TCF12: variants seen among roughly 807,000 people sequenced by gnomAD.
TCF12 encodes the protein DNA-binding protein HTF4.
Under a neutral mutation model 86.0 loss-of-function variants are expected in TCF12, and 45 were observed. The ratio of observed to expected loss-of-function variants is 0.52; its 90% CI spans 0.41 to 0.67. The LOEUF (loss-of-function observed/expected upper bound fraction) is 0.67. Ranked by LOEUF, TCF12 falls within the 30% of genes least tolerant of loss-of-function variation. The probability of loss-of-function intolerance (pLI) is 0.00; values close to 1 mark genes in which losing one functional copy is unlikely to be tolerated. For missense variants in TCF12, 881 were observed against 859.9 expected (o/e 1.02, Z -0.31); for synonymous variants, 330 against 299.6 (o/e 1.10, Z -1.05).
At chr15:57,175,637 C>T (rs2055857174) in intron 6 of TCF12, among the ~76,000 whole-genome samples, 1 of 152,100 alleles carries the variant, frequency 6.6e-6, no homozygotes, top group African/African-American at 2.4e-5. Flanking sequence ...CAGTCTTGGG[C>T]AGAATTATTA....
At chr15:57,216,878 A>C (rs2058353623) in intron 8 of TCF12, among the ~76,000 whole-genome samples, 1 of 152,146 alleles carries the variant, frequency 6.6e-6, no homozygotes, top group South Asian at 2.1e-4. Flanking sequence ...TTTCCATAGC[A>C]TACAAGTAGA....
intron 4 of TCF12, among the ~76,000 whole-genome samples, chr15:57,075,648 G>C (rs1407079544): frequency 3.9e-5 from 6 of 152,018 alleles, no homozygotes; most frequent in Admixed American, 3.9e-4. Context: ...AAGTGAAAAT[G>C]ATAATCTGTT....
At chr15:57,158,200 T>TTC (rs1406576887) in intron 5 of TCF12, among the ~76,000 whole-genome samples, 8 of 151,438 alleles carry the variant, frequency 5.3e-5, no homozygotes, top group Non-Finnish European at 8.9e-5. Flanking sequence ...TTTTTTTTTT[T>TTC]TTCTTTGAGA....
chr15:57,285,315 A>G (rs16977372), intron 20 of TCF12, among the ~76,000 whole-genome samples: 7,726 of 152,292 alleles, frequency 0.051, 552 homozygotes, highest in African/African-American at 0.16. Context: ...TTAATAAGGA[A>G]GTAAAAGTTA....
Position 56,947,772 on chromosome 15 carries a change from G to A in TCF12, c.148+26674G>A, listed in dbSNP as rs555618702. On this transcript the variant is annotated intron_variant, in intron 3 of 20. Coordinates refer to ENST00000333725, the MANE Select transcript of TCF12 (RefSeq NM_207037.2). ...ATGTGTAGTGGAAGAGTAGAGGCAG[G>A]GTGCTTGAAGGAGGGCAGTATTAAT... Among the ~76,000 whole-genome samples, 6 of 152,260 alleles carry A rather than the reference G, an allele frequency of 3.9e-5. No individual in the cohort carries two copies. In the South Asian group the frequency reaches 6.2e-4, roughly 16 times the overall value.
At chr15:57,040,589 G>A (rs957071006) in intron 3 of TCF12, among the ~76,000 whole-genome samples, 1 of 152,166 alleles carries the variant, frequency 6.6e-6, no homozygotes, top group Non-Finnish European at 1.5e-5. Context: ...TTTTAGGCTG[G>A]TATTCAGTAG....
chr15:57,252,579 C>T, intron 15 of TCF12, 87 bp downstream of exon 15: 1 of 1,086,226 alleles, frequency 9.2e-7, no homozygotes, highest in Non-Finnish European at 1.3e-6. Context: ...GCTGTACAGA[C>T]TCCCATCTTT....
chr15:57,076,269 A>G (rs1398854972), intron 4 of TCF12, among the ~76,000 whole-genome samples: 1 of 152,190 alleles, frequency 6.6e-6, no homozygotes, highest in African/African-American at 2.4e-5. Context: ...TTTGTGATCC[A>G]AAACATTTAT....
At chr15:57,014,288 G>C (rs78441188) in intron 3 of TCF12, among the ~76,000 whole-genome samples, 338 of 152,256 alleles carry the variant, frequency 2.2e-3, no homozygotes, top group African/African-American at 7.9e-3. Context: ...GCACCCTGAT[G>C]ATGGTATGCC....
At chr15:57,212,998 T>C (rs558485245) in intron 8 of TCF12, among the ~76,000 whole-genome samples, 22 of 152,368 alleles carry the variant, frequency 1.4e-4, no homozygotes, top group Non-Finnish European at 2.4e-4. Context: ...CATACACATG[T>C]GCTACTGCTA....
intron 13 of TCF12, among the ~76,000 whole-genome samples, chr15:57,245,618 T>C (rs1204259257): frequency 6.6e-6 from 1 of 152,206 alleles, no homozygotes; most frequent in Non-Finnish European, 1.5e-5. Context: ...TCAGCATCTA[T>C]GAAGGGTCAT....
intron 5 of TCF12, among the ~76,000 whole-genome samples, chr15:57,106,501 G>A (rs2050141519): frequency 6.6e-6 from 1 of 152,158 alleles, no homozygotes; most frequent in African/African-American, 2.4e-5. Flanking sequence ...AACAATTATT[G>A]CCTTCTGGGA....
intron 3 of TCF12, among the ~76,000 whole-genome samples, chr15:56,997,383 A>C (rs1267861398): frequency 2.0e-5 from 3 of 152,164 alleles, no homozygotes; most frequent in African/African-American, 7.2e-5. Flanking sequence ...AAAACTGTAC[A>C]CCACTTGTTC....
In TCF12 at chr15:57,156,185, G is replaced by A. The variant is rs1596888161; in HGVS notation, c.326-10217G>A. On this transcript the variant is annotated intron_variant, in intron 5 of 20. Transcript: ENST00000333725. ...TATTACAAAAATCCCTATATTTTTAGCAGCTTATCCTTTTTACTATGTGCA... is the reference window on the plus strand; with the variant it reads ...TATTACAAAAATCCCTATATTTTTAACAGCTTATCCTTTTTACTATGTGCA... Among the ~76,000 whole-genome samples the A allele has an allele frequency of 2.6e-5, 4 of 152,260 alleles. No individual in the cohort carries two copies. In the South Asian group the frequency reaches 6.2e-4, roughly 24 times the overall value.
At chr15:56,960,690 A>G (rs2140558135) in intron 3 of TCF12, among the ~76,000 whole-genome samples, 1 of 151,738 alleles carries the variant, frequency 6.6e-6, no homozygotes, top group East Asian at 2.0e-4. Context: ...TCGGCTTTCC[A>G]AAGTATTGGG....
intron 3 of TCF12, among the ~76,000 whole-genome samples, chr15:56,929,163 T>C (rs1476719502): frequency 6.6e-6 from 1 of 152,196 alleles, no homozygotes; most frequent in Non-Finnish European, 1.5e-5. Context: ...TTGGTTTGTA[T>C]CTTTGGGGAT....
chr15:57,016,769 G>A (rs1312970766), intron 3 of TCF12, among the ~76,000 whole-genome samples: 1 of 151,980 alleles, frequency 6.6e-6, no homozygotes, highest in Non-Finnish European at 1.5e-5. Context: ...AAGGATGCTT[G>A]TATACTAAAC....
chr15:57,075,785 T>A (rs933682298), intron 4 of TCF12, among the ~76,000 whole-genome samples: 54 of 54,668 alleles, frequency 9.9e-4, no homozygotes, highest in Admixed American at 2.5e-3. Flanking sequence ...TTTCTTTCTT[T>A]CTTTCTTTCT....
At chr15:57,142,507 C>T (rs1193189703) in intron 5 of TCF12, among the ~76,000 whole-genome samples, 3 of 53,864 alleles carry the variant, frequency 5.6e-5, no homozygotes, top group Non-Finnish European at 1.2e-4. Flanking sequence ...CAAATCTGTA[C>T]ATTTTGAACA....
Sources: gnomAD v4.1 joint callset for allele counts (sites outside exome capture counted in the v4.1 genomes callset) on GRCh38, gnomAD v4.1.1 for gene constraint, MANE v1.5 for transcripts, NCBI Gene and HGNC (gene_info 2026-07-23, HGNC 2026-07-21) for gene names.